Variants in PCCA observed in about 807,000 individuals in gnomAD.
The protein encoded by PCCA is propionyl-CoA carboxylase alpha chain, mitochondrial.
A neutral mutation model predicts 101.3 loss-of-function variants in PCCA; 74 were observed. That is an observed-to-expected ratio of 0.73 (90% CI 0.61 to 0.89). The LOEUF (loss-of-function observed/expected upper bound fraction) is 0.89. Among genes scored for constraint, PCCA ranks in the 40% least tolerant of loss-of-function variants. The pLI is 0.00. For missense variants in PCCA, 891 were observed against 907.0 expected (o/e 0.98, Z 0.23); for synonymous variants, 294 against 313.6 (o/e 0.94, Z 0.66).
chr13:100,143,851 C>A (rs536123256), intron 4 of PCCA, among the ~76,000 whole-genome samples: 1 of 151,994 alleles, frequency 6.6e-6, no homozygotes, highest in Non-Finnish European at 1.5e-5. Context: ...AACTCATGGG[C>A]TCATGCAATC....
In PCCA at chr13:100,382,205, A is replaced by T. The variant is rs185599294; in HGVS notation, c.1746+13631A>T. ...CAGGAATGATTTTATTGCCGATGAA[A>T]GTGGCTCTCAGTGGGAAGAGAGGGG... On this transcript the variant is annotated intron_variant, in intron 19 of 23. Transcript: ENST00000376285. Among the ~76,000 whole-genome samples the T allele has an allele frequency of 8.5e-5, 13 of 152,288 alleles. No homozygotes were observed. In the East Asian group the frequency reaches 1.5e-3, roughly 18 times the overall value.
rs1430754943 is a variant in PCCA at position 100,310,015 on chromosome 13, A to G, written c.1429+107A>G. The G allele has an allele frequency of 3.7e-6, 3 of 813,292 alleles. No homozygotes were observed. The East Asian group carries it at 7.6e-5, about 21-fold the overall frequency. 50.4% of individuals were successfully genotyped at this position (813,292 alleles called of 1,614,324 possible). On this transcript the variant is annotated intron_variant, in intron 16 of 23. Coordinates refer to ENST00000376285, the MANE Select transcript of PCCA (RefSeq NM_000282.4). ...ATATGGCACAGCACATTTGCTCACT[A>G]TGTGCTTAAAGAGAAATAAGAAAAA...
At chr13:100,148,420 C>T (rs1479938670) in intron 4 of PCCA, among the ~76,000 whole-genome samples, 1 of 149,190 alleles carries the variant, frequency 6.7e-6, no homozygotes, top group Non-Finnish European at 1.5e-5. Context: ...CCACCCACCC[C>T]ACCCCTACTC....
chr13:100,503,229 G>A (rs948203955), intron 21 of PCCA, among the ~76,000 whole-genome samples: 2 of 152,230 alleles, frequency 1.3e-5, no homozygotes, highest in Admixed American at 6.5e-5. Context: ...AGTGGCTCAC[G>A]CCTGTAATCC....
intron 9 of PCCA, among the ~76,000 whole-genome samples, chr13:100,261,617 C>T (rs1469665853): frequency 1.3e-5 from 2 of 152,032 alleles, no homozygotes; most frequent in Non-Finnish European, 2.9e-5. Context: ...CCACTGTGCC[C>T]ACCCAAGTTT....
At chr13:100,352,750 A>G (rs1049987235) in intron 18 of PCCA, among the ~76,000 whole-genome samples, 5 of 151,860 alleles carry the variant, frequency 3.3e-5, no homozygotes, top group Middle Eastern at 3.2e-3. Context: ...CACCCAGGCT[A>G]GAATACAGTG....
chr13:100,284,640 A>C (rs1011398586), intron 12 of PCCA, among the ~76,000 whole-genome samples: 1 of 152,214 alleles, frequency 6.6e-6, no homozygotes, highest in Non-Finnish European at 1.5e-5. Context: ...CAGTAATTCC[A>C]CTATATCCAG....
At chr13:100,340,431 T>C (rs2071125756) in intron 18 of PCCA, among the ~76,000 whole-genome samples, 172 bp downstream of exon 18, 1 of 152,212 alleles carries the variant, frequency 6.6e-6, no homozygotes, top group African/African-American at 2.4e-5. Flanking sequence ...TTACATTTTG[T>C]TTAAACAAGT....
rs1314876782 is a variant in PCCA, at chr13:100,102,925, A to G, written c.148A>G (p.Asn50Asp). The stretch of plus-strand genomic sequence containing the variant: ...AAGACAGTGCTTAATGGTGTCCCGT[A>G]ATCTTGGTTCAGTGGGATATGATCC... Reference protein sequence around the residue: ...YSRQCLMVSRNLGSVGYDPNE... With the variant: ...YSRQCLMVSRDLGSVGYDPNE... The change falls in exon 2 of 24, where the codon AAT (asparagine) becomes GAT (aspartate). Residue 50 changes from asparagine (N) to aspartate (D), a missense_variant. Asn to Asp is a conservative substitution (Grantham distance 23). Transcript: ENST00000376285. 8 of 1,611,836 alleles carry G rather than the reference A, an allele frequency of 5.0e-6. No individual in the cohort carries two copies. Among genetic ancestry groups the G allele is most frequent in the Non-Finnish European group, 6.8e-6 (8 of 1,177,984 alleles).
intron 15 of PCCA, among the ~76,000 whole-genome samples, chr13:100,309,164 G>A (rs561403353): frequency 2.0e-4 from 31 of 152,322 alleles, no homozygotes; most frequent in African/African-American, 7.0e-4. Flanking sequence ...GGAGGCTGAG[G>A]TAGGTGGATC....
chr13:100,144,273 A>G (rs1566569446), intron 4 of PCCA, among the ~76,000 whole-genome samples: 1 of 152,146 alleles, frequency 6.6e-6, no homozygotes, highest in Non-Finnish European at 1.5e-5. Context: ...ACAGCCATAT[A>G]CCGTAAATCA....
At chr13:100,202,220 G>A (rs564832708) in intron 6 of PCCA, among the ~76,000 whole-genome samples, 2 of 150,210 alleles carry the variant, frequency 1.3e-5, no homozygotes, top group East Asian at 3.9e-4. Flanking sequence ...TGTAGGCCTA[G>A]CTACTTGGGA....
chr13:100,245,338 T>C (rs893130773), intron 8 of PCCA, among the ~76,000 whole-genome samples: 3 of 152,196 alleles, frequency 2.0e-5, no homozygotes, highest in Admixed American at 6.5e-5. Flanking sequence ...GATTCTGAAC[T>C]AGATTCCTTG....
chr13:100,227,569 A>G (rs150109687), intron 7 of PCCA, among the ~76,000 whole-genome samples: 6 of 152,294 alleles, frequency 3.9e-5, no homozygotes, highest in African/African-American at 1.4e-4. Context: ...AGAAATGGGT[A>G]CTGGTTTGCT....
intron 7 of PCCA, among the ~76,000 whole-genome samples, chr13:100,224,483 C>T (rs1185951148): frequency 6.6e-6 from 1 of 152,214 alleles, no homozygotes; most frequent in Non-Finnish European, 1.5e-5. Context: ...TTGGCCAGCC[C>T]AGAAAGGGGC....
intron 4 of PCCA, among the ~76,000 whole-genome samples, chr13:100,133,063 G>A (rs566015834): frequency 6.6e-6 from 1 of 152,312 alleles, no homozygotes; most frequent in South Asian, 2.1e-4. Context: ...ATAGACATGA[G>A]CCACCATGCC....
chr13:100,369,893 A>AT (rs201911001), intron 19 of PCCA, among the ~76,000 whole-genome samples: 11 of 150,686 alleles, frequency 7.3e-5, no homozygotes, highest in East Asian at 1.9e-4. Context: ...ACAATGTAGC[A>AT]TTTTTTTTTC....
intron 21 of PCCA, among the ~76,000 whole-genome samples, chr13:100,493,388 G>A (rs1327547639): frequency 1.3e-5 from 2 of 152,276 alleles, no homozygotes; most frequent in Admixed American, 1.3e-4. Flanking sequence ...CCTGATCAGG[G>A]GAGGCCACTA....
chr13:100,435,394 G>C (rs1269147392), intron 20 of PCCA, among the ~76,000 whole-genome samples: 1 of 152,190 alleles, frequency 6.6e-6, no homozygotes, highest in Non-Finnish European at 1.5e-5. Flanking sequence ...TTCAGCAAGA[G>C]ATTTGGAGCG....
Sources: gnomAD v4.1 joint callset for allele counts (sites outside exome capture counted in the v4.1 genomes callset) on GRCh38, gnomAD v4.1.1 for gene constraint, MANE v1.5 for transcripts, NCBI Gene and HGNC (gene_info 2026-07-23, HGNC 2026-07-21) for gene names.